Variants in SGCD observed in about 807,000 individuals in gnomAD.
SGCD encodes the protein delta-sarcoglycan.
In SGCD, 18 loss-of-function variants were observed where a neutral mutation model predicts 36.6. The observed-to-expected ratio is 0.49, with a 90% CI of 0.34 to 0.73. The LOEUF (loss-of-function observed/expected upper bound fraction) is 0.73, where lower values mean the gene tolerates loss of function less well. Ranked by LOEUF, SGCD falls within the 30% of genes least tolerant of loss-of-function variation. The pLI is 0.01. For synonymous variants in SGCD, 133 were observed against 130.6 expected (o/e 1.02, Z -0.12); for missense variants, 387 against 346.7 (o/e 1.12, Z -0.92).
intron 3 of SGCD, among the ~76,000 whole-genome samples, chr5:156,179,129 C>T (rs1763543052): frequency 6.6e-6 from 1 of 152,098 alleles, no homozygotes; most frequent in Non-Finnish European, 1.5e-5. Flanking sequence ...ACATACACAT[C>T]TAAGCATGTG....
intron 6 of SGCD, among the ~76,000 whole-genome samples, chr5:156,611,178 T>G (rs1328399992): frequency 6.6e-6 from 1 of 152,252 alleles, no homozygotes; most frequent in Non-Finnish European, 1.5e-5. Flanking sequence ...TCAGCCATCT[T>G]GGCTCCTCCC....
At chr5:156,100,665 A>G (rs531839694) in intron 1 of SGCD, among the ~76,000 whole-genome samples, 15 of 152,318 alleles carry the variant, frequency 9.8e-5, no homozygotes, top group African/African-American at 3.6e-4. Context: ...AAATAGACAA[A>G]TTAGCAATTG....
intron 1 of SGCD, among the ~76,000 whole-genome samples, chr5:156,085,197 T>C (rs1761063260): frequency 6.6e-6 from 1 of 152,156 alleles, no homozygotes; most frequent in African/African-American, 2.4e-5. Context: ...TCTGTCTCTA[T>C]CTGGTTTTGA....
intron 1 of SGCD, among the ~76,000 whole-genome samples, chr5:155,971,293 G>A (rs1758002427): frequency 6.6e-6 from 1 of 152,130 alleles, no homozygotes; most frequent in Non-Finnish European, 1.5e-5. Flanking sequence ...AGTCTGTCTG[G>A]CAGCAAAGTT....
intron 6 of SGCD, among the ~76,000 whole-genome samples, chr5:156,631,478 A>G (rs555523825): frequency 4.8e-5 from 6 of 125,446 alleles, no homozygotes; most frequent in Admixed American, 4.5e-4. Flanking sequence ...TTTTTTTTTA[A>G]AAAAAAGATA....
chr5:156,209,514 C>T (rs74553343), intron 3 of SGCD, among the ~76,000 whole-genome samples: 212 of 152,274 alleles, frequency 1.4e-3, no homozygotes, highest in African/African-American at 4.3e-3. Flanking sequence ...GCCTGCCCAG[C>T]GCTAAGCCCA....
intron 3 of SGCD, among the ~76,000 whole-genome samples, chr5:156,377,593 T>C (rs947601906): frequency 2.0e-5 from 3 of 152,156 alleles, no homozygotes; most frequent in African/African-American, 7.2e-5. Context: ...CAGTAGACAA[T>C]GGAGTACATG....
intron 3 of SGCD, among the ~76,000 whole-genome samples, chr5:156,182,763 T>A (rs1440105191): frequency 2.0e-5 from 3 of 152,182 alleles, no homozygotes; most frequent in Non-Finnish European, 4.4e-5. Flanking sequence ...CACTAAAGGG[T>A]CAGAGTCTCT....
chr5:156,194,717 G>A (rs1225046902), intron 3 of SGCD, among the ~76,000 whole-genome samples: 3 of 151,976 alleles, frequency 2.0e-5, no homozygotes, highest in Non-Finnish European at 2.9e-5. Context: ...ATATAGTACT[G>A]TAATATAATA....
intron 1 of SGCD, among the ~76,000 whole-genome samples, chr5:155,873,883 A>G (rs1015248313): frequency 1.8e-4 from 27 of 152,176 alleles, no homozygotes; most frequent in African/African-American, 4.6e-4. Flanking sequence ...TTTAAATACC[A>G]TCTCAGAAGA....
intron 3 of SGCD, among the ~76,000 whole-genome samples, chr5:156,283,280 G>T (rs1766503674): frequency 6.6e-6 from 1 of 152,116 alleles, no homozygotes; most frequent in Non-Finnish European, 1.5e-5. Flanking sequence ...ATTGCACTTG[G>T]AAACTGGAAA....
intron 3 of SGCD, among the ~76,000 whole-genome samples, chr5:156,148,152 A>T (rs1581129959): frequency 6.6e-6 from 1 of 152,242 alleles, no homozygotes; most frequent in Non-Finnish European, 1.5e-5. Context: ...GAAAAGAAAG[A>T]CAAATGTGAA....
chr5:156,470,483 T>TCCCTCCC, intron 3 of SGCD, among the ~76,000 whole-genome samples: 1 of 151,924 alleles, frequency 6.6e-6, no homozygotes, highest in African/African-American at 2.4e-5. Context: ...CCTAATGCTA[T>TCCCTCCC]CCCTCCCCCC....
At chr5:156,042,499 C>A (rs913797837) in intron 1 of SGCD, among the ~76,000 whole-genome samples, 9 of 152,150 alleles carry the variant, frequency 5.9e-5, no homozygotes, top group Non-Finnish European at 1.3e-4. Context: ...GAGTTTAATT[C>A]ATGCAGAGCT....
chr5:155,751,346 A>G, the SGCD span, among the ~76,000 whole-genome samples: 1 of 152,302 alleles, frequency 6.6e-6, no homozygotes, highest in African/African-American at 2.4e-5. Context: ...CTGTGTCTCA[A>G]AGTTACTGTG....
intron 3 of SGCD, among the ~76,000 whole-genome samples, chr5:156,157,577 A>C (rs960896747): frequency 6.6e-6 from 1 of 151,748 alleles, no homozygotes; most frequent in Non-Finnish European, 1.5e-5. Context: ...CAAGGGGGGA[A>C]AATATTTTTC....
At chr5:156,595,104 A>T in intron 6 of SGCD, 53 bp downstream of exon 6, 1 of 1,553,534 alleles carries the variant, frequency 6.4e-7, no homozygotes, top group South Asian at 1.2e-5. Context: ...TACATTTTAG[A>T]GGAGAAGCAA....
intron 1 of SGCD, among the ~76,000 whole-genome samples, chr5:156,035,406 T>C (rs1039757802): frequency 2.6e-5 from 4 of 151,994 alleles, no homozygotes. Flanking sequence ...AAGTGTTCAA[T>C]ACTAGCATGG....
At chr5:156,403,897 G>A (rs574940561) in intron 3 of SGCD, among the ~76,000 whole-genome samples, 4 of 151,500 alleles carry the variant, frequency 2.6e-5, no homozygotes, top group African/African-American at 4.8e-5. Context: ...TGCAGTGTGC[G>A]ATCTTGGCTC....
Sources: allele counts gnomAD v4.1 joint callset (sites outside exome capture counted in the v4.1 genomes callset), GRCh38; gene constraint gnomAD v4.1.1; transcripts MANE v1.5; gene names NCBI Gene and HGNC (gene_info 2026-07-23, HGNC 2026-07-21).